Variants in PTCHD4 observed in about 807,000 individuals in gnomAD.
PTCHD4 encodes the protein patched domain-containing protein 4.
Under a neutral mutation model 58.1 loss-of-function variants are expected in PTCHD4, and 33 were observed. The observed-to-expected ratio is 0.57, with a 90% CI of 0.43 to 0.76. The LOEUF is 0.76. Among genes scored for constraint, PTCHD4 ranks in the 30% least tolerant of loss-of-function variants. The pLI is 0.00. For synonymous variants in PTCHD4, 478 were observed against 409.6 expected, an observed-to-expected ratio of 1.17 and a Z score of -2.02; for missense variants, 1,058 against 1,027.1, an observed-to-expected ratio of 1.03 and a Z score of -0.41.
intron 1 of PTCHD4, among the ~76,000 whole-genome samples, chr6:48,071,862 A>G (rs1351471950): frequency 6.6e-6 from 1 of 152,168 alleles, no homozygotes; most frequent in Non-Finnish European, 1.5e-5. Context: ...AGTATTGGTC[A>G]GATATTTGGT....
In PTCHD4 at chr6:47,864,034, A is replaced by G. The variant is rs1944306000; in HGVS notation, c.*14269T>C. 1.3e-5 allele frequency among the ~76,000 whole-genome samples: 2 copies of G among 151,952 alleles called. No individual in the cohort carries two copies. The highest frequency in any genetic ancestry group is 4.8e-5 in the African/African-American group (2 of 41,400). On this transcript the variant is annotated 3_prime_UTR_variant, in exon 5 of 5. Coordinates refer to ENST00000339488, the MANE Select transcript of PTCHD4 (RefSeq NM_001384253.1). ...TCACCTTCTTCCCTGGACAGATTTAATCCAACTATTCTCAGAATGTCTGTT... is the reference window on the plus strand; with the variant it reads ...TCACCTTCTTCCCTGGACAGATTTAGTCCAACTATTCTCAGAATGTCTGTT...
intron 3 of PTCHD4, among the ~76,000 whole-genome samples, chr6:48,057,397 T>C (rs572756458): frequency 6.6e-6 from 1 of 152,168 alleles, no homozygotes; most frequent in South Asian, 2.1e-4. Flanking sequence ...GCTGGTTATA[T>C]CCTCCCAGGC....
intron 1 of PTCHD4, among the ~76,000 whole-genome samples, chr6:48,105,633 A>T (rs1040512869): frequency 4.6e-5 from 7 of 152,186 alleles, no homozygotes; most frequent in Non-Finnish European, 1.0e-4. Context: ...GACAAAAAAA[A>T]CCCTTCAAAA....
chr6:48,037,620 A>G (rs1250779113), intron 3 of PTCHD4, among the ~76,000 whole-genome samples: 1 of 152,190 alleles, frequency 6.6e-6, no homozygotes, highest in Non-Finnish European at 1.5e-5. Context: ...AGAAGTTGAC[A>G]GAATTTATGA....
At chr6:47,937,747 A>T (rs576434657) in intron 4 of PTCHD4, among the ~76,000 whole-genome samples, 97 of 152,348 alleles carry the variant, frequency 6.4e-4, no homozygotes, top group African/African-American at 2.2e-3. Flanking sequence ...AACTGAGTCT[A>T]AGGCACTTCA....
At position 47,878,720 on chromosome 6, in the gene PTCHD4, G is replaced by A. The variant is rs772229583; in HGVS notation, c.2115C>T (p.Val705=). The A allele has an allele frequency of 2.5e-6, 4 of 1,613,512 alleles. No individual in the cohort carries two copies. Among genetic ancestry groups the A allele is most frequent in the Non-Finnish European group, 2.5e-6 (3 of 1,179,752 alleles). The change falls in exon 5 of 5, where the codon GTC becomes GTT. Residue 705 remains valine, a synonymous_variant. Transcript: ENST00000339488. The part of the protein sequence containing the change: ...GVLGLMTLWN[V]DMDCISILCL... ...ACAAGATAGAAATGCAATCCATGTCGACGTTCCATAATGTCATTAAGCCCA... is the reference window on the plus strand; with the variant it reads ...ACAAGATAGAAATGCAATCCATGTCAACGTTCCATAATGTCATTAAGCCCA...
At chr6:48,059,163 C>T (rs600229) in intron 3 of PTCHD4, among the ~76,000 whole-genome samples, 3 of 152,094 alleles carry the variant, frequency 2.0e-5, no homozygotes, top group East Asian at 3.9e-4. Flanking sequence ...CAGTGTCACT[C>T]GGGAGCTTGC....
chr6:47,927,527 C>T (rs1003397969), intron 4 of PTCHD4, among the ~76,000 whole-genome samples: 37 of 152,176 alleles, frequency 2.4e-4, no homozygotes, highest in African/African-American at 8.7e-4. Context: ...CTAAGTGATA[C>T]AAGATGTGAT....
chr6:48,011,177 T>A (rs4715058), intron 3 of PTCHD4, among the ~76,000 whole-genome samples: 1 of 151,896 alleles, frequency 6.6e-6, no homozygotes, highest in Admixed American at 6.6e-5. Flanking sequence ...ATGGTTGAAC[T>A]AATTTACACT....
chr6:47,994,734 A>T (rs190083799), intron 4 of PTCHD4, among the ~76,000 whole-genome samples: 83 of 152,308 alleles, frequency 5.4e-4, no homozygotes, highest in African/African-American at 2.0e-3. Flanking sequence ...GTTTCCTTGG[A>T]GGGACTTCTC....
chr6:48,066,187 C>T (rs1018952724), intron 3 of PTCHD4, among the ~76,000 whole-genome samples: 2 of 151,770 alleles, frequency 1.3e-5, no homozygotes, highest in African/African-American at 4.8e-5. Flanking sequence ...GCTTTTCTTG[C>T]CCCAAACTCT....
At chr6:48,056,609 GTA>G (rs1764413997) in intron 3 of PTCHD4, among the ~76,000 whole-genome samples, 1 of 152,224 alleles carries the variant, frequency 6.6e-6, no homozygotes, top group Non-Finnish European at 1.5e-5. Context: ...TAAGGCCAGA[GTA>G]TACAAAAGAG....
intron 3 of PTCHD4, among the ~76,000 whole-genome samples, chr6:48,065,148 G>A (rs75735764): frequency 0.015 from 2,247 of 152,240 alleles, 34 homozygotes; most frequent in Non-Finnish European, 0.025. Context: ...ATGACCTTCT[G>A]TTGTCATAAC....
Position 47,860,571 on chromosome 6 carries a change from T to C in PTCHD4, c.*17732A>G, listed in dbSNP as rs1291220025. Among the ~76,000 whole-genome samples the C allele has an allele frequency of 6.6e-6, 1 of 152,028 alleles. No individual in the cohort carries two copies. Among genetic ancestry groups the C allele is most frequent in the Non-Finnish European group, 1.5e-5 (1 of 67,946 alleles). On this transcript the variant is annotated 3_prime_UTR_variant, in exon 5 of 5. Coordinates refer to ENST00000339488, the MANE Select transcript of PTCHD4 (RefSeq NM_001384253.1). Reference sequence around the variant, plus strand: ...TAATCCCTCATCCATGCAGCCTTCTTTCTTTCTTTACATTAGCACTACTGC... The same window carrying C: ...TAATCCCTCATCCATGCAGCCTTCTCTCTTTCTTTACATTAGCACTACTGC...
At chr6:47,942,994 A>G (rs1457684225) in intron 4 of PTCHD4, among the ~76,000 whole-genome samples, 1 of 152,190 alleles carries the variant, frequency 6.6e-6, no homozygotes, top group Non-Finnish European at 1.5e-5. Context: ...CTTGTGGCAT[A>G]ACCCCTCCGT....
At chr6:48,012,590 G>T (rs996292594) in intron 3 of PTCHD4, among the ~76,000 whole-genome samples, 1 of 152,080 alleles carries the variant, frequency 6.6e-6, no homozygotes, top group Non-Finnish European at 1.5e-5. Flanking sequence ...GATTGCCCTG[G>T]CCAGAACTTC....
intron 3 of PTCHD4, among the ~76,000 whole-genome samples, chr6:48,016,147 AG>A (rs959233109): frequency 3.3e-5 from 5 of 151,926 alleles, no homozygotes; most frequent in Non-Finnish European, 5.9e-5. Context: ...GTCAACAGAC[AG>A]GGGGACTTAG....
intron 4 of PTCHD4, among the ~76,000 whole-genome samples, chr6:47,975,239 A>G (rs1482290785): frequency 6.6e-6 from 1 of 152,186 alleles, no homozygotes; most frequent in Non-Finnish European, 1.5e-5. Context: ...TAGTTATTGA[A>G]TAAGTAAATG....
chr6:47,940,198 A>G (rs1053780175), intron 4 of PTCHD4, among the ~76,000 whole-genome samples: 1 of 152,124 alleles, frequency 6.6e-6, no homozygotes, highest in Non-Finnish European at 1.5e-5. Flanking sequence ...AAGACAATAA[A>G]AAATGAAACT....
Sources: gnomAD v4.1 joint callset for allele counts (sites outside exome capture counted in the v4.1 genomes callset) on GRCh38, gnomAD v4.1.1 for gene constraint, MANE v1.5 for transcripts, NCBI Gene and HGNC (gene_info 2026-07-23, HGNC 2026-07-21) for gene names.